The following GRIK1 variants were observed in gnomAD, a reference collection of about 807,000 sequenced individuals.
The protein encoded by GRIK1 is glutamate receptor ionotropic, kainate 1.
In GRIK1, 69 loss-of-function variants were observed where a neutral mutation model predicts 105.7. The observed-to-expected ratio is 0.65, with a 90% CI of 0.54 to 0.80. GRIK1 has a LOEUF of 0.80. Among genes scored for constraint, GRIK1 ranks in the 30% least tolerant of loss-of-function variants. GRIK1 has a pLI of 0.00. For synonymous variants in GRIK1, 438 were observed against 431.3 expected (o/e 1.02, Z -0.19); for missense variants, 1,109 against 1,167.3 (o/e 0.95, Z 0.73).
chr21:29,851,715 T>C lies in GRIK1; in HGVS notation c.118+87668A>G, dbSNP rs2068309886. On this transcript the variant is annotated intron_variant, in intron 1 of 17. Transcript: ENST00000327783. ...TATTCCAGAGCCAGGGCTACTAGTCTACCTCATGGCCTCAACTCTCTTAGC... is the reference window on the plus strand; with the variant it reads ...TATTCCAGAGCCAGGGCTACTAGTCCACCTCATGGCCTCAACTCTCTTAGC... Among the ~76,000 whole-genome samples the C allele has an allele frequency of 3.9e-5, 6 of 152,246 alleles. No individual in the cohort carries two copies. In the South Asian group the frequency reaches 1.2e-3, roughly 32 times the overall value.
intron 1 of GRIK1, among the ~76,000 whole-genome samples, chr21:29,716,214 T>C (rs2064173218): frequency 1.3e-5 from 2 of 152,194 alleles, no homozygotes; most frequent in Non-Finnish European, 2.9e-5. Context: ...CTTTTCATTA[T>C]AAATTACCCA....
intron 13 of GRIK1, among the ~76,000 whole-genome samples, chr21:29,578,817 A>G (rs1601168229): frequency 6.6e-6 from 1 of 152,136 alleles, no homozygotes; most frequent in East Asian, 1.9e-4. Context: ...TAATTGATCT[A>G]GCAGTCTTGT....
At chr21:29,695,106 A>G (rs1300325047) in intron 1 of GRIK1, among the ~76,000 whole-genome samples, 1 of 152,184 alleles carries the variant, frequency 6.6e-6, no homozygotes, top group Non-Finnish European at 1.5e-5. Flanking sequence ...GGTGTCTTAA[A>G]CATGAGGATC....
At chr21:29,826,869 T>G (rs1483969306) in intron 1 of GRIK1, among the ~76,000 whole-genome samples, 1 of 152,088 alleles carries the variant, frequency 6.6e-6, no homozygotes, top group East Asian at 1.9e-4. Flanking sequence ...AAAGTATCAA[T>G]AGAAGAATCA....
At chr21:29,708,171 AATGTATT>A (rs1264940229) in intron 1 of GRIK1, among the ~76,000 whole-genome samples, 1 of 152,228 alleles carries the variant, frequency 6.6e-6, no homozygotes, top group African/African-American at 2.4e-5. Context: ...ATTTTAGGTC[AATGTATT>A]ATAGAAAATA....
intron 1 of GRIK1, among the ~76,000 whole-genome samples, chr21:29,818,693 G>A (rs2067219539): frequency 6.6e-6 from 1 of 152,058 alleles, no homozygotes; most frequent in African/African-American, 2.4e-5. Context: ...TCAAAGGTCA[G>A]CGTAATACCA....
intron 1 of GRIK1, among the ~76,000 whole-genome samples, chr21:29,928,053 C>T (rs73347898): frequency 0.021 from 3,250 of 152,096 alleles, 143 homozygotes; most frequent in African/African-American, 0.074. Flanking sequence ...CACTGGAAGA[C>T]GATGAATTGT....
intron 1 of GRIK1, among the ~76,000 whole-genome samples, chr21:29,857,446 A>C (rs1358631210): frequency 6.6e-6 from 1 of 152,226 alleles, no homozygotes; most frequent in Non-Finnish European, 1.5e-5. Flanking sequence ...ACAATGCATA[A>C]ATGTGACAAA....
chr21:29,857,691 A>C (rs1294446888), intron 1 of GRIK1, among the ~76,000 whole-genome samples: 1 of 152,214 alleles, frequency 6.6e-6, no homozygotes, highest in African/African-American at 2.4e-5. Flanking sequence ...TTAATATTAA[A>C]AGGATAATAA....
intron 1 of GRIK1, among the ~76,000 whole-genome samples, chr21:29,801,866 T>C (rs959316056): frequency 2.0e-5 from 3 of 152,180 alleles, no homozygotes; most frequent in Non-Finnish European, 4.4e-5. Flanking sequence ...CACTCTCTTT[T>C]TTTTCTTTTC....
chr21:29,665,781 G>A (rs999848522), intron 4 of GRIK1, among the ~76,000 whole-genome samples: 4 of 152,198 alleles, frequency 2.6e-5, no homozygotes, highest in Non-Finnish European at 5.9e-5. Flanking sequence ...CAGGATGTGA[G>A]CAACATGGGT....
intron 1 of GRIK1, among the ~76,000 whole-genome samples, chr21:29,722,520 C>T (rs1458133626): frequency 6.7e-6 from 1 of 150,062 alleles, no homozygotes; most frequent in African/African-American, 2.5e-5. Flanking sequence ...CGTGCCACTG[C>T]ACTCCAGCCT....
chr21:29,770,483 A>G (rs978677632), intron 1 of GRIK1, among the ~76,000 whole-genome samples: 1 of 152,230 alleles, frequency 6.6e-6, no homozygotes, highest in Admixed American at 6.5e-5. Context: ...TCAGATATAT[A>G]AAACATGCAC....
Position 29,737,679 on chromosome 21 carries a change from G to A in GRIK1, c.119-43616C>T, listed in dbSNP as rs2064827492. Among the ~76,000 whole-genome samples, 5 of 152,332 alleles carry A rather than the reference G, an allele frequency of 3.3e-5. No homozygotes were observed. The South Asian group carries it at 1.0e-3, about 32-fold the overall frequency. ...AGAAGGCTTTGCCGGCCCATCTGGGGCAACCCAAGCCTTTAATTCAAGTTG... is the reference window on the plus strand; with the variant it reads ...AGAAGGCTTTGCCGGCCCATCTGGGACAACCCAAGCCTTTAATTCAAGTTG... On this transcript the variant is annotated intron_variant, in intron 1 of 17. Transcript: ENST00000327783.
chr21:29,629,266 G>A (rs2062207823), intron 7 of GRIK1, among the ~76,000 whole-genome samples: 1 of 150,850 alleles, frequency 6.6e-6, no homozygotes, highest in Non-Finnish European at 1.5e-5. Context: ...AAAATGTGAT[G>A]CCTGAGCTGA....
intron 12 of GRIK1, 132 bp downstream of exon 12, chr21:29,587,234 C>G: frequency 3.9e-6 from 2 of 516,110 alleles, no homozygotes; most frequent in Non-Finnish European, 6.9e-6. Flanking sequence ...TATATGGAAA[C>G]CTTCCAAGAA....
intron 1 of GRIK1, among the ~76,000 whole-genome samples, chr21:29,872,607 A>G (rs2069057620): frequency 6.6e-6 from 1 of 152,190 alleles, no homozygotes; most frequent in Non-Finnish European, 1.5e-5. Context: ...CTTAAAACTG[A>G]GTAATTTTTA....
At chr21:29,911,303 A>G (rs2070806925) in intron 1 of GRIK1, among the ~76,000 whole-genome samples, 1 of 152,100 alleles carries the variant, frequency 6.6e-6, no homozygotes, top group Admixed American at 6.6e-5. Flanking sequence ...AATGTTTATT[A>G]CATCTACATT....
intron 1 of GRIK1, among the ~76,000 whole-genome samples, chr21:29,848,664 A>G (rs2068203118): frequency 6.6e-6 from 1 of 151,032 alleles, no homozygotes; most frequent in South Asian, 2.1e-4. Context: ...ATCATCTACA[A>G]GGCTCTATAT....
Sources: gnomAD v4.1 joint callset for allele counts (sites outside exome capture counted in the v4.1 genomes callset) on GRCh38, gnomAD v4.1.1 for gene constraint, MANE v1.5 for transcripts, NCBI Gene and HGNC (gene_info 2026-07-23, HGNC 2026-07-21) for gene names.